SUGCT: variants seen among roughly 807,000 people sequenced by gnomAD.
SUGCT encodes succinyl-CoA:glutarate-CoA transferase.
A neutral mutation model predicts 55.0 loss-of-function variants in SUGCT; 41 were observed. That is an observed-to-expected ratio of 0.74 (90% CI 0.58 to 0.97). The LOEUF is 0.97. SUGCT is among the 50% of genes least tolerant of loss of function. The probability of loss-of-function intolerance (pLI) is 0.00; values close to 1 mark genes in which losing one functional copy is unlikely to be tolerated. For synonymous variants in SUGCT, 187 were observed against 200.4 expected, an observed-to-expected ratio of 0.93 and a Z score of 0.56; for missense variants, 568 against 547.8, an observed-to-expected ratio of 1.04 and a Z score of -0.37.
intron 12 of SUGCT, among the ~76,000 whole-genome samples, chr7:40,689,712 T>G (rs1342941954): frequency 6.8e-6 from 1 of 146,736 alleles, no homozygotes; most frequent in Non-Finnish European, 1.5e-5. Flanking sequence ...CTCAAATTCT[T>G]GTAGCAGCCA....
At chr7:41,034,629 T>C in the SUGCT span, among the ~76,000 whole-genome samples, 22 of 152,330 alleles carry the variant, frequency 1.4e-4, no homozygotes, top group South Asian at 2.9e-3. Context: ...CCATTTAACA[T>C]GAGCTCTTAG....
At chr7:40,604,267 A>C (rs1232253696) in intron 12 of SUGCT, among the ~76,000 whole-genome samples, 1 of 152,226 alleles carries the variant, frequency 6.6e-6, no homozygotes, top group African/African-American at 2.4e-5. Context: ...TCTCCCTGCA[A>C]GGCCTATGAT....
chr7:40,652,309 C>T (rs951369930), intron 12 of SUGCT, among the ~76,000 whole-genome samples: 1 of 152,154 alleles, frequency 6.6e-6, no homozygotes, highest in Admixed American at 6.5e-5. Context: ...TTCTAACAGG[C>T]ATAAATTATA....
intron 9 of SUGCT, among the ~76,000 whole-genome samples, chr7:40,437,991 C>T (rs1026106681): frequency 3.9e-5 from 6 of 151,918 alleles, no homozygotes; most frequent in African/African-American, 1.2e-4. Context: ...ATAGGAACTT[C>T]GAGTTGTACA....
At chr7:40,638,131 T>G (rs1419752477) in intron 12 of SUGCT, among the ~76,000 whole-genome samples, 1 of 152,214 alleles carries the variant, frequency 6.6e-6, no homozygotes, top group Non-Finnish European at 1.5e-5. Flanking sequence ...AGTAAGTTGC[T>G]TTTAGAGTGC....
At chr7:40,382,700 A>G (rs551739031) in intron 9 of SUGCT, among the ~76,000 whole-genome samples, 2 of 152,334 alleles carry the variant, frequency 1.3e-5, no homozygotes, top group East Asian at 3.9e-4. Context: ...AACAAAAGAG[A>G]AAACTTAGTT....
intron 9 of SUGCT, among the ~76,000 whole-genome samples, chr7:40,445,848 T>TA (rs1196718120): frequency 6.6e-6 from 1 of 152,156 alleles, no homozygotes; most frequent in African/African-American, 2.4e-5. Context: ...CTCCTAATCT[T>TA]ACCTGAATCT....
At chr7:40,937,672 T>A in the SUGCT span, among the ~76,000 whole-genome samples, 2 of 152,218 alleles carry the variant, frequency 1.3e-5, no homozygotes, top group African/African-American at 4.8e-5. Context: ...GCAACAATTT[T>A]TTTTGTCTGA....
chr7:40,217,355 C>T (rs996022526), intron 6 of SUGCT: 1 of 410,046 alleles, frequency 2.4e-6, no homozygotes, highest in South Asian at 1.8e-5. Flanking sequence ...GGACTACAGG[C>T]TCGTGCCACT....
Position 40,194,914 on chromosome 7 carries a change from T to A in SUGCT, c.364-26T>A, listed in dbSNP as rs80193014. ...TGTGGGGATTTGTTGAGTGGAAGTC[T>A]GACTCATGTTCACCTCTTCCATCAG... On this transcript the variant is annotated intron_variant, in intron 5 of 13. Transcript: ENST00000335693. The A allele has an allele frequency of 1.0e-4, 163 of 1,605,372 alleles. 1 individual carries two copies. In the East Asian group the frequency reaches 3.6e-3, roughly 36 times the overall value.
At chr7:40,540,794 A>G (rs1237115217) in intron 12 of SUGCT, among the ~76,000 whole-genome samples, 2 of 152,232 alleles carry the variant, frequency 1.3e-5, no homozygotes, top group African/African-American at 2.4e-5. Flanking sequence ...AGAACTTTAG[A>G]ATTCTGTGCA....
intron 12 of SUGCT, among the ~76,000 whole-genome samples, chr7:40,731,692 G>A (rs1024331110): frequency 3.9e-5 from 6 of 152,162 alleles, no homozygotes; most frequent in Non-Finnish European, 8.8e-5. Flanking sequence ...TGTAAATTTG[G>A]TGTGAAAACA....
chr7:40,679,980 G>A (rs1210567825), intron 12 of SUGCT, among the ~76,000 whole-genome samples: 1 of 152,112 alleles, frequency 6.6e-6, no homozygotes, highest in African/African-American at 2.4e-5. Flanking sequence ...TGTTGCTAAT[G>A]CATGGCCCTC....
chr7:40,241,327 C>T (rs1299217684), intron 7 of SUGCT, among the ~76,000 whole-genome samples: 1 of 152,084 alleles, frequency 6.6e-6, no homozygotes, highest in Non-Finnish European at 1.5e-5. Context: ...GCCTGTAATC[C>T]CAGCACGTTG....
In SUGCT at chr7:40,449,483, G is replaced by A. The variant is rs149819822; in HGVS notation, c.888+125G>A. 1.7e-3 allele frequency: 1,196 copies of A among 689,410 alleles called. 13 individuals carry two copies. In the African/African-American group the frequency reaches 0.019, roughly 11 times the overall value. The allele number at this position is 689,410 out of a possible 1,614,324, so 42.7% of individuals were successfully genotyped here. On this transcript the variant is annotated intron_variant, in intron 10 of 13. Transcript: ENST00000335693. ...AACTAAAAGTATAGGATATTCATGC[G>A]CATAAAGGATAAGGCAGAGTCCAAA...
intron 11 of SUGCT, among the ~76,000 whole-genome samples, chr7:40,476,306 G>A (rs1790670467): frequency 6.6e-6 from 1 of 152,064 alleles, no homozygotes; most frequent in Admixed American, 6.6e-5. Context: ...AAGTGAGGCT[G>A]TTTCCTGCCC....
Position 40,856,321 on chromosome 7 carries a change from A to AAT in SUGCT, c.1154-3987_1154-3986dup, listed in dbSNP as rs367621517. Among the ~76,000 whole-genome samples, 861 of 152,242 alleles carry AAT rather than the reference A, an allele frequency of 5.7e-3. 7 individuals carry two copies. Among genetic ancestry groups the AAT allele is most frequent in the African/African-American group, 0.02 (811 of 41,524 alleles). ...TGGGGTTTCAGGAGAGTGTGAAGGCAATATATATACTCAAAGCCAAAAGTT... is the reference window on the plus strand; with the variant it reads ...TGGGGTTTCAGGAGAGTGTGAAGGCAATATATATATACTCAAAGCCAAAAGTT... On this transcript the variant is annotated intron_variant, in intron 13 of 13. Transcript: ENST00000335693.
chr7:40,403,342 C>T (rs1453096325), intron 9 of SUGCT, among the ~76,000 whole-genome samples: 2 of 152,208 alleles, frequency 1.3e-5, no homozygotes, highest in East Asian at 3.9e-4. Flanking sequence ...TAAGACTTGT[C>T]ATGAAGAATG....
chr7:40,937,295 A>G, the SUGCT span, among the ~76,000 whole-genome samples: 1 of 152,106 alleles, frequency 6.6e-6, no homozygotes, highest in Non-Finnish European at 1.5e-5. Flanking sequence ...CAGACTTCCA[A>G]GTAGCTGGGA....
Sources: allele counts gnomAD v4.1 joint callset (sites outside exome capture counted in the v4.1 genomes callset), GRCh38; gene constraint gnomAD v4.1.1; transcripts MANE v1.5; gene names NCBI Gene and HGNC (gene_info 2026-07-23, HGNC 2026-07-21).